Variants in MACROD2 observed in about 807,000 individuals in gnomAD.
MACROD2 encodes mono-ADP ribosylhydrolase 2.
A neutral mutation model predicts 70.4 loss-of-function variants in MACROD2; 36 were observed. The ratio of observed to expected loss-of-function variants is 0.51; its 90% CI spans 0.39 to 0.68. MACROD2 has a LOEUF of 0.68. MACROD2 is among the 30% of genes least tolerant of loss of function. MACROD2 has a pLI of 0.00. For synonymous variants in MACROD2, 172 were observed against 178.8 expected (o/e 0.96, Z 0.30); for missense variants, 496 against 538.4 (o/e 0.92, Z 0.78).
chr20:15,134,984 G>A (rs2076135582), intron 5 of MACROD2, among the ~76,000 whole-genome samples: 1 of 152,086 alleles, frequency 6.6e-6, no homozygotes, highest in Non-Finnish European at 1.5e-5. Flanking sequence ...TAAATTCCTC[G>A]ACACATACAC....
chr20:14,728,101 A>G (rs974075821), intron 5 of MACROD2, among the ~76,000 whole-genome samples: 1 of 152,146 alleles, frequency 6.6e-6, no homozygotes, highest in Non-Finnish European at 1.5e-5. Flanking sequence ...CTATGTCCTG[A>G]AAGTTAGTAC....
chr20:15,394,473 G>A (rs1466824250), intron 6 of MACROD2, among the ~76,000 whole-genome samples: 4 of 152,098 alleles, frequency 2.6e-5, no homozygotes, highest in Admixed American at 6.5e-5. Context: ...CCAACAAAAG[G>A]GCACAATGTT....
At chr20:15,138,918 C>G (rs2076171032) in intron 5 of MACROD2, among the ~76,000 whole-genome samples, 1 of 152,112 alleles carries the variant, frequency 6.6e-6, no homozygotes, top group Admixed American at 6.6e-5. Flanking sequence ...AATGATTATT[C>G]AGTGGTTTCA....
intron 5 of MACROD2, among the ~76,000 whole-genome samples, chr20:15,118,698 T>G (rs1162105188): frequency 1.3e-5 from 2 of 152,216 alleles, no homozygotes; most frequent in East Asian, 3.9e-4. Flanking sequence ...GGGTTTAGGT[T>G]GTAGAACAAA....
intron 12 of MACROD2, among the ~76,000 whole-genome samples, chr20:15,944,563 G>T (rs1229359432): frequency 6.6e-6 from 1 of 151,950 alleles, no homozygotes; most frequent in Non-Finnish European, 1.5e-5. Context: ...TTCTTATCCA[G>T]TCTCAATTTT....
At chr20:14,914,527 CTT>C in intron 5 of MACROD2, among the ~76,000 whole-genome samples, 1 of 152,280 alleles carries the variant, frequency 6.6e-6, no homozygotes, top group African/African-American at 2.4e-5. Flanking sequence ...AGAAGGAAGA[CTT>C]TGCCTTGACA....
intron 15 of MACROD2, among the ~76,000 whole-genome samples, chr20:16,038,104 G>C (rs552451274): frequency 1.3e-5 from 2 of 149,592 alleles, no homozygotes; most frequent in East Asian, 4.0e-4. Flanking sequence ...CATTATTTTT[G>C]TTATGAATTT....
At chr20:14,466,129 T>C (rs1486678550) in intron 3 of MACROD2, among the ~76,000 whole-genome samples, 2 of 152,134 alleles carry the variant, frequency 1.3e-5, no homozygotes, top group South Asian at 2.1e-4. Context: ...TGCAGAGTGT[T>C]TTCCAACTTG....
chr20:15,218,327 A>G (rs1472279209), intron 5 of MACROD2, among the ~76,000 whole-genome samples: 1 of 152,158 alleles, frequency 6.6e-6, no homozygotes, highest in African/African-American at 2.4e-5. Flanking sequence ...TAAAACCATC[A>G]TCACAGTTTG....
At chr20:15,148,643 G>C (rs1601141165) in intron 5 of MACROD2, among the ~76,000 whole-genome samples, 1 of 152,064 alleles carries the variant, frequency 6.6e-6, no homozygotes, top group South Asian at 2.1e-4. Context: ...AGTCCAAGTT[G>C]GTCTGGTGTC....
At chr20:14,349,852 G>A (rs535621279) in intron 3 of MACROD2, among the ~76,000 whole-genome samples, 2 of 143,010 alleles carry the variant, frequency 1.4e-5, no homozygotes, top group East Asian at 2.0e-4. Context: ...AGTGCAATGC[G>A]ATTCTCCTGC....
At chr20:15,955,765 C>T (rs2065967827) in intron 12 of MACROD2, among the ~76,000 whole-genome samples, 1 of 151,828 alleles carries the variant, frequency 6.6e-6, no homozygotes, top group South Asian at 2.1e-4. Context: ...TTTATTTAAC[C>T]ATTATATCCA....
At chr20:14,530,886 A>C (rs2085295018) in intron 4 of MACROD2, among the ~76,000 whole-genome samples, 1 of 152,262 alleles carries the variant, frequency 6.6e-6, no homozygotes, top group South Asian at 2.1e-4. Context: ...TATAAATATC[A>C]CATTCTAGAG....
intron 6 of MACROD2, among the ~76,000 whole-genome samples, chr20:15,307,381 A>G (rs2077708314): frequency 6.6e-6 from 1 of 152,156 alleles, no homozygotes; most frequent in Non-Finnish European, 1.5e-5. Context: ...GAATTACAGA[A>G]AATGTTCAAA....
chr20:14,316,345 G>T (rs556647615), intron 3 of MACROD2, among the ~76,000 whole-genome samples: 63 of 152,282 alleles, frequency 4.1e-4, no homozygotes, highest in Non-Finnish European at 6.9e-4. Context: ...AACGTTTTGA[G>T]ATTTAATCCT....
intron 5 of MACROD2, among the ~76,000 whole-genome samples, chr20:15,048,979 CA>C (rs1329332426): frequency 6.6e-6 from 1 of 151,746 alleles, no homozygotes; most frequent in Non-Finnish European, 1.5e-5. Context: ...GATAAATGAA[CA>C]GTGCATTATA....
chr20:14,864,668 G>T (rs902259560), intron 5 of MACROD2, among the ~76,000 whole-genome samples: 4 of 152,054 alleles, frequency 2.6e-5, no homozygotes, highest in African/African-American at 7.2e-5. Flanking sequence ...TTGTAGGCCA[G>T]CTCCATGAGA....
intron 3 of MACROD2, among the ~76,000 whole-genome samples, chr20:14,447,957 C>A (rs550703986): frequency 1.4e-5 from 2 of 146,600 alleles, no homozygotes; most frequent in African/African-American, 5.0e-5. Context: ...AGTAGAAGAG[C>A]ACTTGAGAAC....
At chr20:15,036,881 T>C (rs547186954) in intron 5 of MACROD2, among the ~76,000 whole-genome samples, 1 of 151,856 alleles carries the variant, frequency 6.6e-6, no homozygotes, top group East Asian at 1.9e-4. Context: ...AAGATAATTA[T>C]AAAGATAATT....
Sources: allele counts gnomAD v4.1 joint callset (sites outside exome capture counted in the v4.1 genomes callset), GRCh38; gene constraint gnomAD v4.1.1; transcripts MANE v1.5; gene names NCBI Gene and HGNC (gene_info 2026-07-23, HGNC 2026-07-21).